HDAC9: variants seen among roughly 807,000 people sequenced by gnomAD.
HDAC9 encodes the protein MEF-2 interacting transcription repressor (MITR) protein.
In HDAC9, 41 loss-of-function variants were observed where a neutral mutation model predicts 139.4. The ratio of observed to expected loss-of-function variants is 0.29; its 90% CI spans 0.23 to 0.38. The LOEUF is 0.38. Ranked by LOEUF, HDAC9 falls within the 10% of genes least tolerant of loss-of-function variation. HDAC9 has a pLI of 1.00. For missense variants in HDAC9, 1,147 were observed against 1,297.0 expected, an observed-to-expected ratio of 0.88 and a Z score of 1.78; for synonymous variants, 517 against 476.2, an observed-to-expected ratio of 1.09 and a Z score of -1.12.
intron 1 of HDAC9, among the ~76,000 whole-genome samples, chr7:18,459,079 A>G (rs1035133946): frequency 6.6e-6 from 1 of 152,162 alleles, no homozygotes; most frequent in Non-Finnish European, 1.5e-5. Flanking sequence ...CGGAGTTGGC[A>G]TGAGTCAGAG....
intron 15 of HDAC9, among the ~76,000 whole-genome samples, chr7:18,762,498 A>G (rs1478633851): frequency 6.6e-6 from 1 of 152,200 alleles, no homozygotes; most frequent in East Asian, 1.9e-4. Flanking sequence ...TTTACTTTAG[A>G]ATTAACCTTC....
chr7:18,932,848 AAAAGAAAG>A (rs71017014), intron 22 of HDAC9, among the ~76,000 whole-genome samples: 117 of 138,322 alleles, frequency 8.5e-4, no homozygotes, highest in East Asian at 4.3e-3. Flanking sequence ...AGGAAGGAAA[AAAAGAAAG>A]AAAGAAAGAA....
intron 6 of HDAC9, among the ~76,000 whole-genome samples, chr7:18,604,625 T>C (rs1834937275): frequency 6.6e-6 from 1 of 152,062 alleles, no homozygotes; most frequent in African/African-American, 2.4e-5. Context: ...GGTCTTGATC[T>C]CCTGACCTCA....
chr7:18,411,067 G>T (rs770009217), intron 1 of HDAC9, among the ~76,000 whole-genome samples: 1 of 152,218 alleles, frequency 6.6e-6, no homozygotes, highest in African/African-American at 2.4e-5. Flanking sequence ...GCACAGGCTT[G>T]TCTGTCAGTG....
chr7:18,539,933 A>G (rs963352248), intron 2 of HDAC9, among the ~76,000 whole-genome samples: 2 of 151,984 alleles, frequency 1.3e-5, no homozygotes, highest in African/African-American at 4.8e-5. Context: ...AATGGGAAGC[A>G]TAAGTACTTT....
At chr7:18,939,985 A>G (rs1294118523) in intron 23 of HDAC9, among the ~76,000 whole-genome samples, 1 of 152,212 alleles carries the variant, frequency 6.6e-6, no homozygotes, top group Non-Finnish European at 1.5e-5. Flanking sequence ...TCATGTGCAG[A>G]GGATTAGAAT....
chr7:18,203,993 C>T (rs746473133), intron 2 of HDAC9, among the ~76,000 whole-genome samples: 8 of 152,098 alleles, frequency 5.3e-5, no homozygotes, highest in Non-Finnish European at 7.4e-5. Flanking sequence ...CATACTGAAG[C>T]GTGTGTCCAC....
chr7:18,671,268 A>G (rs1375093317), intron 12 of HDAC9, among the ~76,000 whole-genome samples: 1 of 152,052 alleles, frequency 6.6e-6, no homozygotes, highest in Non-Finnish European at 1.5e-5. Flanking sequence ...CCTAAGTGGT[A>G]TTCTAATAGA....
intron 6 of HDAC9, among the ~76,000 whole-genome samples, chr7:18,620,576 T>C (rs534485408): frequency 6.6e-6 from 1 of 151,988 alleles, no homozygotes; most frequent in Non-Finnish European, 1.5e-5. Context: ...CATTCATTCA[T>C]TCACTCCGTA....
chr7:18,138,603 G>T (rs1201988784), intron 1 of HDAC9, among the ~76,000 whole-genome samples: 1 of 150,458 alleles, frequency 6.6e-6, no homozygotes, highest in Non-Finnish European at 1.5e-5. Context: ...GGCTCAAGTG[G>T]ATACAGTGCT....
intron 1 of HDAC9, among the ~76,000 whole-genome samples, chr7:18,352,335 T>A (rs1186169126): frequency 1.3e-5 from 2 of 152,158 alleles, no homozygotes; most frequent in African/African-American, 4.8e-5. Flanking sequence ...GCTGAGACAA[T>A]ATAATATTCT....
At chr7:18,800,391 T>A (rs1479723471) in intron 17 of HDAC9, among the ~76,000 whole-genome samples, 2 of 152,240 alleles carry the variant, frequency 1.3e-5, no homozygotes, top group South Asian at 4.1e-4. Flanking sequence ...TCATTTTGCA[T>A]GAAACATTCC....
intron 1 of HDAC9, among the ~76,000 whole-genome samples, chr7:18,454,787 AT>A (rs1411795157): frequency 6.6e-6 from 1 of 152,090 alleles, no homozygotes; most frequent in Admixed American, 6.6e-5. Flanking sequence ...TATGAATTTT[AT>A]TTAACTGTTT....
intron 1 of HDAC9, among the ~76,000 whole-genome samples, chr7:18,479,911 T>A (rs1224376778): frequency 6.6e-6 from 1 of 151,834 alleles, no homozygotes; most frequent in Non-Finnish European, 1.5e-5. Flanking sequence ...TAGATTGCAA[T>A]GCTAAGAGAG....
At chr7:18,856,624 T>C (rs754371688) in intron 21 of HDAC9, among the ~76,000 whole-genome samples, 1 of 152,190 alleles carries the variant, frequency 6.6e-6, no homozygotes, top group Non-Finnish European at 1.5e-5. Context: ...ACATTACAAA[T>C]GTGCAAATGC....
At chr7:18,527,857 A>G (rs916887686) in intron 2 of HDAC9, among the ~76,000 whole-genome samples, 2 of 152,146 alleles carry the variant, frequency 1.3e-5, no homozygotes, top group African/African-American at 4.8e-5. Context: ...TGTAGGAGAC[A>G]GTTTACAGTT....
At chr7:18,482,178 G>A (rs886707334) in intron 1 of HDAC9, among the ~76,000 whole-genome samples, 3 of 151,708 alleles carry the variant, frequency 2.0e-5, no homozygotes, top group African/African-American at 7.3e-5. Flanking sequence ...GTTCTGGCAA[G>A]AAGGGAAGAG....
rs71014394 is a variant in HDAC9, at chr7:18,618,726, G to GTATATATATATATA, written c.665-10602_665-10589dup. On this transcript the variant is annotated intron_variant, in intron 6 of 25. Transcript: ENST00000686413. ...AAAGATATATCTAGTACAGAATTTT[G>GTATATATATATATA]TATATATATATATATATATATATAT... Among the ~76,000 whole-genome samples, 309 of 119,986 alleles carry GTATATATATATATA rather than the reference G, an allele frequency of 2.6e-3. 9 individuals carry two copies. The highest frequency in any genetic ancestry group is 5.2e-3 in the Middle Eastern group (1 of 194). 78.7% of individuals were successfully genotyped at this position (119,986 alleles called of 152,430 possible). A position where few individuals can be genotyped will look rare whatever the true frequency, so the allele number is the denominator to read the frequency against.
At chr7:18,606,583 T>A (rs1467523104) in intron 6 of HDAC9, among the ~76,000 whole-genome samples, 1 of 152,248 alleles carries the variant, frequency 6.6e-6, no homozygotes, top group Non-Finnish European at 1.5e-5. Flanking sequence ...TTTGTCTTAC[T>A]GTTTTCATAA....
Sources: allele counts gnomAD v4.1 joint callset (sites outside exome capture counted in the v4.1 genomes callset), GRCh38; gene constraint gnomAD v4.1.1; transcripts MANE v1.5; gene names NCBI Gene and HGNC (gene_info 2026-07-23, HGNC 2026-07-21).